KCNK13: variants seen among roughly 807,000 people sequenced by gnomAD.
The protein encoded by KCNK13 is potassium two pore domain channel subfamily K member 13, also known as potassium channel subfamily K member 13.
In KCNK13, 12 loss-of-function variants were observed where a neutral mutation model predicts 23.4. The ratio of observed to expected loss-of-function variants is 0.51; its 90% confidence interval spans 0.33 to 0.83. The LOEUF (loss-of-function observed/expected upper bound fraction) is 0.83. Among genes scored for constraint, KCNK13 ranks in the 40% least tolerant of loss-of-function variants. The pLI is 0.02. For missense variants in KCNK13, 463 were observed against 556.3 expected (o/e 0.83, Z 1.69); for synonymous variants, 231 against 229.5 (o/e 1.01, Z -0.06).
intron 1 of KCNK13, among the ~76,000 whole-genome samples, chr14:90,075,996 A>G (rs1889130251): frequency 6.6e-6 from 1 of 152,198 alleles, no homozygotes; most frequent in Non-Finnish European, 1.5e-5. Flanking sequence ...TTTAATACTT[A>G]GTGGAGTTGG....
chr14:90,093,837 CTGAAGTCT>C (rs1400653902), intron 1 of KCNK13, among the ~76,000 whole-genome samples: 2 of 152,190 alleles, frequency 1.3e-5, no homozygotes, highest in Admixed American at 1.3e-4. Flanking sequence ...GGAATACAGT[CTGAAGTCT>C]TGATATTTGG....
chr14:90,184,786 C>G lies in KCNK13; in HGVS notation c.1010C>G (p.Thr337Arg). 1 of 1,612,752 alleles carries G rather than the reference C, an allele frequency of 6.2e-7. No individual in the cohort carries two copies. The highest frequency in any genetic ancestry group is 8.5e-7 in the Non-Finnish European group (1 of 1,178,908). The change falls in exon 2 of 2, where the codon ACG (threonine) becomes AGG (arginine). Residue 337 changes from threonine to arginine, a missense_variant. Around this residue, in one of 3 missense-constraint regions of KCNK13, gnomAD observed 166 missense variants for 178.8 expected, o/e 0.93. Coordinates refer to ENST00000282146, the MANE Select transcript of KCNK13 (RefSeq NM_022054.4). The surrounding 1 kb of genome is among the most constrained non-coding windows in gnomAD (Gnocchi z 5.6). ...ACAGACGGGGTGGCAGAGAGTGACA[C>G]GGACGGGCGCCGGCTCTCAGGGGAG... ...IETDGVAESDTDGRRLSGEMI... is the reference protein window; with the variant it reads ...IETDGVAESDRDGRRLSGEMI...
intron 1 of KCNK13, among the ~76,000 whole-genome samples, chr14:90,163,286 G>A (rs915086816): frequency 2.6e-5 from 4 of 152,176 alleles, no homozygotes; most frequent in East Asian, 3.9e-4. Flanking sequence ...GAAGAGAAAC[G>A]CAAGTTAGGT....
At chr14:90,119,371 T>G (rs1889711357) in intron 1 of KCNK13, among the ~76,000 whole-genome samples, 1 of 152,166 alleles carries the variant, frequency 6.6e-6, no homozygotes, top group South Asian at 2.1e-4. Flanking sequence ...TATCCTTGAT[T>G]AACATTGATG....
At chr14:90,142,889 T>G (rs936757342) in intron 1 of KCNK13, among the ~76,000 whole-genome samples, 1 of 152,162 alleles carries the variant, frequency 6.6e-6, no homozygotes, top group African/African-American at 2.4e-5. Flanking sequence ...TTTAAAGAAG[T>G]GACAAGACAC....
At chr14:90,087,156 T>TA (rs1555401790) in intron 1 of KCNK13, among the ~76,000 whole-genome samples, 1,535 of 117,378 alleles carry the variant, frequency 0.013, 19 homozygotes, top group East Asian at 0.054. Flanking sequence ...ATATATATAT[T>TA]TTTTTTTTTT....
chr14:90,142,921 T>TA (rs1847839146), intron 1 of KCNK13, among the ~76,000 whole-genome samples: 1 of 152,190 alleles, frequency 6.6e-6, no homozygotes, highest in Admixed American at 6.5e-5. Flanking sequence ...TATACGTTTC[T>TA]AGGGGAGCAA....
intron 1 of KCNK13, among the ~76,000 whole-genome samples, chr14:90,087,139 T>TATACAC (rs1889287595): frequency 8.9e-6 from 1 of 112,986 alleles, no homozygotes; most frequent in African/African-American, 3.7e-5. Flanking sequence ...CATATATATA[T>TATACAC]ATATATATAT....
At chr14:90,111,416 C>T (rs940550287) in intron 1 of KCNK13, among the ~76,000 whole-genome samples, 1 of 152,144 alleles carries the variant, frequency 6.6e-6, no homozygotes, top group African/African-American at 2.4e-5. Flanking sequence ...TCCTTATTGG[C>T]TCTAGGAGAT....
chr14:90,162,781 T>C (rs1890265216), intron 1 of KCNK13, among the ~76,000 whole-genome samples: 1 of 152,138 alleles, frequency 6.6e-6, no homozygotes, highest in Non-Finnish European at 1.5e-5. Flanking sequence ...TTGATTTACC[T>C]AAACAAAAAT....
intron 1 of KCNK13, among the ~76,000 whole-genome samples, chr14:90,174,322 AAAAT>A (rs979917664): frequency 1.3e-5 from 2 of 152,038 alleles, no homozygotes; most frequent in Non-Finnish European, 2.9e-5. Flanking sequence ...AAGACAATAA[AAAAT>A]AAATAAATAA....
intron 1 of KCNK13, among the ~76,000 whole-genome samples, chr14:90,125,863 A>G (rs537931845): frequency 6.6e-5 from 10 of 152,154 alleles, no homozygotes; most frequent in Admixed American, 6.5e-4. Context: ...TCTCTACAGA[A>G]AAATACAAAA....
At position 90,157,701 on chromosome 14, in the gene KCNK13, C is replaced by CATTTTTTTTTT. The variant is rs1890209433; in HGVS notation, c.335-26410_335-26409insATTTTTTTTTT. On this transcript the variant is annotated intron_variant, in intron 1 of 1. Coordinates refer to ENST00000282146, the MANE Select transcript of KCNK13 (RefSeq NM_022054.4). ...GGGCCACCATACCTGGCTTGGCTTT[C>CATTTTTTTTTT]CTTTTTTTTTTTTTTTTTCAGACAG... 8.4e-5 allele frequency among the ~76,000 whole-genome samples: 4 copies of CATTTTTTTTTT among 47,452 alleles called. 1 individual carries two copies. Among genetic ancestry groups the CATTTTTTTTTT allele is most frequent in the Non-Finnish European group, 1.2e-4 (3 of 24,784 alleles). The allele number at this position is 47,452 out of a possible 152,430, so 31.1% of individuals were successfully genotyped here.
rs557132802 is a variant in KCNK13 at position 90,158,433 on chromosome 14, A to G, written c.335-25678A>G. Among the ~76,000 whole-genome samples, 63 of 152,380 alleles carry G rather than the reference A, an allele frequency of 4.1e-4. 1 individual carries two copies. Among genetic ancestry groups the G allele is most frequent in the Middle Eastern group, 3.4e-3 (1 of 294 alleles). On this transcript the variant is annotated intron_variant, in intron 1 of 1. Transcript: ENST00000282146. ...TAAGTCAAAATTCCTAAAAGGAAGCATTCATGACCTGGCCCAGGCCTTGAC... is the reference window on the plus strand; with the variant it reads ...TAAGTCAAAATTCCTAAAAGGAAGCGTTCATGACCTGGCCCAGGCCTTGAC...
intron 1 of KCNK13, among the ~76,000 whole-genome samples, chr14:90,127,698 A>G (rs1469561401): frequency 6.6e-6 from 1 of 150,876 alleles, no homozygotes; most frequent in East Asian, 2.0e-4. Flanking sequence ...GTGCTCCTGT[A>G]GTCCCAACTA....
intron 1 of KCNK13, among the ~76,000 whole-genome samples, chr14:90,153,748 C>T (rs1890162377): frequency 6.6e-6 from 1 of 152,194 alleles, no homozygotes; most frequent in African/African-American, 2.4e-5. Context: ...GTCTGAAGGC[C>T]TCTGAGCTGT....
chr14:90,113,876 T>C (rs1359630955), intron 1 of KCNK13, among the ~76,000 whole-genome samples: 1 of 151,766 alleles, frequency 6.6e-6, no homozygotes, highest in Non-Finnish European at 1.5e-5. Context: ...GAGGTTGCAG[T>C]GAGCCAAGAT....
chr14:90,097,054 G>A (rs2140404123), intron 1 of KCNK13, among the ~76,000 whole-genome samples: 1 of 152,280 alleles, frequency 6.6e-6, no homozygotes, highest in East Asian at 1.9e-4. Flanking sequence ...GGGAAGGGGA[G>A]TGGGAGATGA....
At chr14:90,066,325 C>T (rs1889008799) in intron 1 of KCNK13, among the ~76,000 whole-genome samples, 2 of 151,284 alleles carry the variant, frequency 1.3e-5, no homozygotes, top group South Asian at 4.2e-4. Flanking sequence ...AGTGCAGTGG[C>T]ATGAGCTTGG....
Sources: allele counts gnomAD v4.1 joint callset (sites outside exome capture counted in the v4.1 genomes callset), GRCh38; gene constraint gnomAD v4.1.1; regional missense constraint gnomAD v4.1.1; non-coding constraint Gnocchi (gnomAD v3.1); transcripts MANE v1.5; gene names NCBI Gene and HGNC (gene_info 2026-07-23, HGNC 2026-07-21).